CFAP46: variants seen among roughly 807,000 people sequenced by gnomAD.
The protein encoded by CFAP46 is cilia- and flagella-associated protein 46.
CFAP46 carries 245 observed loss-of-function variants against 325.7 expected under a neutral mutation model. The observed-to-expected ratio is 0.75, with a 90% CI of 0.68 to 0.84. The LOEUF (loss-of-function observed/expected upper bound fraction) is 0.84. Ranked by LOEUF, CFAP46 falls within the 40% of genes least tolerant of loss-of-function variation. CFAP46 has a pLI of 0.00. For synonymous variants in CFAP46, 1,523 were observed against 1,495.9 expected (o/e 1.02, Z -0.42); for missense variants, 3,346 against 3,543.0 (o/e 0.94, Z 1.41).
At chr10:132,931,449 C>A (rs1849900153) in intron 8 of CFAP46, among the ~76,000 whole-genome samples, 1 of 144,138 alleles carries the variant, frequency 6.9e-6, no homozygotes, top group African/African-American at 2.6e-5. Context: ...GAGACTGGGC[C>A]TTCCCCACAT....
intron 24 of CFAP46, among the ~76,000 whole-genome samples, chr10:132,895,824 G>C (rs1321422390): frequency 6.6e-6 from 1 of 152,216 alleles, no homozygotes; most frequent in African/African-American, 2.4e-5. Context: ...ATAAGGTCAC[G>C]AGAGTGGGGT....
intron 24 of CFAP46, among the ~76,000 whole-genome samples, chr10:132,897,658 TGGCAGGTC>T (rs1849336675): frequency 2.6e-5 from 4 of 152,220 alleles, no homozygotes; most frequent in Admixed American, 2.6e-4. Flanking sequence ...GTTGGCAGGT[TGGCAGGTC>T]GGCAGGCCAG....
chr10:132,909,742 C>T (rs1849512812), intron 20 of CFAP46, among the ~76,000 whole-genome samples, 177 bp downstream of exon 20: 1 of 152,228 alleles, frequency 6.6e-6, no homozygotes, highest in African/African-American at 2.4e-5. Context: ...AGGCCCCGTG[C>T]CACACTCAAG....
intron 39 of CFAP46, among the ~76,000 whole-genome samples, chr10:132,852,807 AT>A (rs973877233): frequency 3.3e-5 from 5 of 152,204 alleles, no homozygotes; most frequent in African/African-American, 9.6e-5. Context: ...GACAGATTTC[AT>A]TTTTAAATGC....
At chr10:132,816,569 G>A (rs1847699866) in intron 50 of CFAP46, among the ~76,000 whole-genome samples, 1 of 152,118 alleles carries the variant, frequency 6.6e-6, no homozygotes, top group Non-Finnish European at 1.5e-5. Flanking sequence ...CTGACCTTGG[G>A]TGATCCGCCC....
chr10:132,908,721 T>G (rs1427347304), intron 21 of CFAP46, 87 bp from the exon 22 acceptor site: 3 of 1,422,126 alleles, frequency 2.1e-6, no homozygotes, highest in Non-Finnish European at 2.8e-6. Context: ...ACGCAGCGCA[T>G]GTGATCCTAA....
intron 24 of CFAP46, among the ~76,000 whole-genome samples, chr10:132,892,931 G>A (rs549289018): frequency 1.3e-5 from 2 of 152,290 alleles, no homozygotes; most frequent in East Asian, 3.9e-4. Flanking sequence ...GCAACCATCA[G>A]GTGATGGTCA....
At chr10:132,904,915 T>C (rs1041227048) in intron 22 of CFAP46, among the ~76,000 whole-genome samples, 4 of 152,150 alleles carry the variant, frequency 2.6e-5, no homozygotes, top group Non-Finnish European at 5.9e-5. Context: ...CCCTTCCAAC[T>C]GACTTGTGTG....
At position 132,889,978 on chromosome 10, in the gene CFAP46, G is replaced by C. The variant is rs957756981; in HGVS notation, c.3304+2355C>G. On this transcript the variant is annotated intron_variant, in intron 25 of 57. Coordinates refer to ENST00000368586, the MANE Select transcript of CFAP46 (RefSeq NM_001200049.3). The surrounding 1 kb of genome is among the most constrained non-coding windows in gnomAD (Gnocchi z 6.0). ...TCAGGATTCAGGAGCGTACATTTTCGTATCTGTGAAAAGTGCTCCTTTCCA... is the reference window on the plus strand; with the variant it reads ...TCAGGATTCAGGAGCGTACATTTTCCTATCTGTGAAAAGTGCTCCTTTCCA... Among the ~76,000 whole-genome samples the C allele has an allele frequency of 2.0e-5, 3 of 152,190 alleles. No homozygotes were observed. Among genetic ancestry groups the C allele is most frequent in the Non-Finnish European group, 2.9e-5 (2 of 68,032 alleles).
rs1209775112 is a variant in CFAP46, at chr10:132,808,585, AGGCGGCT to A, written c.7977_7983del (p.Ala2660GlyfsTer38). ...CACAGGCAGGCAGAGCTCGAGGTCC[AGGCGGCT>A]GCCTTGCGGGAAGTCGCTGGGGGAG... On this transcript the variant is annotated frameshift_variant, in exon 58 of 58. Transcript: ENST00000368586. LOFTEE classifies it low-confidence loss of function (END_TRUNC). The surrounding 1 kb of genome is among the most constrained non-coding windows in gnomAD (Gnocchi z 6.8). 1 of 1,612,606 alleles carries A rather than the reference AGGCGGCT, an allele frequency of 6.2e-7. No individual in the cohort carries two copies. The highest frequency in any genetic ancestry group is 8.5e-7 in the Non-Finnish European group (1 of 1,179,816).
At position 132,899,524 on chromosome 10, in the gene CFAP46, G is replaced by A. The variant is rs1849365070; in HGVS notation, c.3056+11C>T. On this transcript the variant is annotated intron_variant, in intron 23 of 57. Transcript: ENST00000368586. ...GGACAGAGCCCACCCCAGCCCCTTA[G>A]AGCCACACACCTGGCGCTCTCCGTG... is the stretch of plus-strand genomic sequence containing the variant. The A allele has an allele frequency of 6.5e-7, 1 of 1,543,056 alleles. No homozygotes were observed. Among genetic ancestry groups the A allele is most frequent in the Non-Finnish European group, 8.7e-7 (1 of 1,143,882 alleles).
At chr10:132,824,112 GTGTGCGCTGA>G (rs1180272879) in intron 50 of CFAP46, among the ~76,000 whole-genome samples, 3,786 of 141,402 alleles carry the variant, frequency 0.027, 96 homozygotes, top group Non-Finnish European at 0.044. Context: ...GATGTGTGCT[GTGTGCGCTGA>G]TGTGTGCTGT....
Position 132,877,009 on chromosome 10 carries a change from C to T in CFAP46, c.4213-48G>A. 4 of 1,528,346 alleles carry T rather than the reference C, an allele frequency of 2.6e-6. No individual in the cohort carries two copies. Among genetic ancestry groups the T allele is most frequent in the Non-Finnish European group, 3.5e-6 (4 of 1,133,746 alleles). 94.7% of individuals were successfully genotyped at this position (1,528,346 alleles called of 1,614,324 possible). ...TTTACCTGAAACGGTGGAGGTGAAACAGCAGACACCCCCGGCCCACCGGCA... is the reference window on the plus strand; with the variant it reads ...TTTACCTGAAACGGTGGAGGTGAAATAGCAGACACCCCCGGCCCACCGGCA... On this transcript the variant is annotated intron_variant, in intron 30 of 57. Coordinates refer to ENST00000368586, the MANE Select transcript of CFAP46 (RefSeq NM_001200049.3). This position sits in a 1 kb window ranked among gnomAD's most constrained non-coding sequence, Gnocchi z 5.7.
chr10:132,892,011 G>C (rs1849260703), intron 25 of CFAP46, among the ~76,000 whole-genome samples: 1 of 152,138 alleles, frequency 6.6e-6, no homozygotes, highest in Non-Finnish European at 1.5e-5. Context: ...ACCTCCAGGG[G>C]CTGTGTCACG....
At chr10:132,838,510 G>A (rs1014493227) in intron 44 of CFAP46, among the ~76,000 whole-genome samples, 1 of 152,278 alleles carries the variant, frequency 6.6e-6, no homozygotes, top group African/African-American at 2.4e-5. Context: ...TAGCAGCTCA[G>A]GTGGGCTTTT....
Position 132,926,592 on chromosome 10 carries a change from T to C in CFAP46, c.1041A>G (p.Lys347=), listed in dbSNP as rs1459363085. Residue 347 remains lysine, a synonymous_variant, in exon 10 of 58, where the codon AAA becomes AAG. Transcript: ENST00000368586. ...SEALRLESKM[K]VYNRAAVEAQ... is the part of the protein sequence containing the mutation. ...CCTCAACAGCCGCTCGGTTGTACAC[T>C]TTCATCTTACTTTCAAGTCTTAAAG... The C allele has an allele frequency of 2.6e-6, 4 of 1,536,026 alleles. No individual in the cohort carries two copies. Among genetic ancestry groups the C allele is most frequent in the African/African-American group, 2.7e-5 (2 of 73,032 alleles).
intron 50 of CFAP46, among the ~76,000 whole-genome samples, chr10:132,831,845 G>A (rs1384637396): frequency 6.6e-6 from 1 of 151,820 alleles, no homozygotes; most frequent in Admixed American, 6.6e-5. Flanking sequence ...GTATGTTTAT[G>A]ATTCCATTTC....
intron 19 of CFAP46, 75 bp downstream of exon 19, chr10:132,912,580 C>A: frequency 3.2e-6 from 4 of 1,249,792 alleles, no homozygotes; most frequent in Non-Finnish European, 4.2e-6. Flanking sequence ...TTCACCTCTC[C>A]TCTCCTCTCT....
intron 41 of CFAP46, among the ~76,000 whole-genome samples, chr10:132,848,497 T>G (rs1397088508): frequency 1.4e-5 from 2 of 139,832 alleles, no homozygotes; most frequent in Non-Finnish European, 3.0e-5. Flanking sequence ...AGGGAAAGTT[T>G]CCTCCCCTTT....
Sources: allele counts gnomAD v4.1 joint callset (sites outside exome capture counted in the v4.1 genomes callset), GRCh38; gene constraint gnomAD v4.1.1; non-coding constraint Gnocchi (gnomAD v3.1); transcripts MANE v1.5; gene names NCBI Gene and HGNC (gene_info 2026-07-23, HGNC 2026-07-21).